SETDB2: variants seen among roughly 807,000 people sequenced by gnomAD.
SETDB2 encodes SET domain bifurcated histone lysine methyltransferase 2.
In SETDB2, 56 loss-of-function variants were observed where a neutral mutation model predicts 82.5. That is an observed-to-expected ratio of 0.68 (90% CI 0.55 to 0.85). The LOEUF is 0.85. SETDB2 is among the 40% of genes least tolerant of loss of function. The probability of loss-of-function intolerance (pLI) is 0.00; values close to 1 mark genes in which losing one functional copy is unlikely to be tolerated. For synonymous variants in SETDB2, 272 were observed against 284.9 expected (o/e 0.95, Z 0.46); for missense variants, 677 against 816.4 (o/e 0.83, Z 2.08).
chr13:49,474,758 A>G (rs1958321670), intron 5 of SETDB2, among the ~76,000 whole-genome samples: 1 of 152,246 alleles, frequency 6.6e-6, no homozygotes, highest in Non-Finnish European at 1.5e-5. Context: ...CGGAGAAAGG[A>G]TGAGGAAGCT....
intron 5 of SETDB2, among the ~76,000 whole-genome samples, chr13:49,469,713 G>GT (rs575492963): frequency 1.1e-4 from 16 of 151,594 alleles, no homozygotes; most frequent in Admixed American, 5.9e-4. Flanking sequence ...TATATTTGAA[G>GT]TTTTTTTTTC....
chr13:49,488,581 T>C lies in SETDB2; in HGVS notation c.1868T>C (p.Val623Ala), dbSNP rs1233045448. The C allele has an allele frequency of 6.2e-7, 1 of 1,607,990 alleles. No homozygotes were observed. The highest frequency in any genetic ancestry group is 8.5e-7 in the Non-Finnish European group (1 of 1,177,716). Reference sequence around the variant, plus strand: ...CTAACAAAGTTCAATAAAGGGAATGTGTTTTTATTGGATGCCACAAAAGAA... The same window carrying C: ...CTAACAAAGTTCAATAAAGGGAATGCGTTTTTATTGGATGCCACAAAAGAA... Reference protein sequence around the residue: ...DSLTKFNKGNVFLLDATKEGN... With the variant: ...DSLTKFNKGNAFLLDATKEGN... The change falls in exon 12 of 14, where the codon GTG (valine) becomes GCG (alanine). Residue 623 changes from valine (V) to alanine (A), a missense_variant. By Grantham distance (64) the Val-to-Ala change is moderately conservative. Around this residue, in one of 3 missense-constraint regions of SETDB2, gnomAD observed 420 missense variants for 554.6 expected, o/e 0.76. Transcript: ENST00000611815.
At chr13:49,453,817 T>C (rs1594130882) in intron 2 of SETDB2, among the ~76,000 whole-genome samples, 1 of 152,182 alleles carries the variant, frequency 6.6e-6, no homozygotes. Flanking sequence ...GGTGTATTTG[T>C]TGTTACTGGA....
chr13:49,457,771 T>C (rs1036029094), intron 2 of SETDB2, among the ~76,000 whole-genome samples: 2 of 152,180 alleles, frequency 1.3e-5, no homozygotes, highest in Non-Finnish European at 2.9e-5. Flanking sequence ...CATTGAGTCT[T>C]GATTGTTGTC....
intron 12 of SETDB2, chr13:49,489,224 C>T (rs3764087): frequency 0.11 from 17,967 of 158,804 alleles, 1,147 homozygotes; most frequent in Admixed American, 0.17. Context: ...ATGCCTCGGC[C>T]TCCTGAGTAG....
At chr13:49,480,022 A>G (rs1286280289) in intron 6 of SETDB2, among the ~76,000 whole-genome samples, 197 bp from the exon 7 acceptor site, 2 of 152,228 alleles carry the variant, frequency 1.3e-5, no homozygotes, top group Non-Finnish European at 2.9e-5. Context: ...AGTGCAGTTT[A>G]TAATTATTTA....
chr13:49,451,344 G>A (rs1957781728), intron 1 of SETDB2, among the ~76,000 whole-genome samples: 1 of 150,572 alleles, frequency 6.6e-6, no homozygotes, highest in Admixed American at 6.6e-5. Context: ...GATAGGATTG[G>A]GTGGGCCTTC....
chr13:49,454,143 C>G (rs911283627), intron 2 of SETDB2, among the ~76,000 whole-genome samples: 1 of 152,080 alleles, frequency 6.6e-6, no homozygotes, highest in Non-Finnish European at 1.5e-5. Flanking sequence ...TAACCCTTGA[C>G]TGGGCACCGT....
Position 49,450,932 on chromosome 13 carries a change from TAG to T in SETDB2, c.-341-618_-341-617del, listed in dbSNP as rs542385841. 5.4e-4 allele frequency among the ~76,000 whole-genome samples: 81 copies of T among 149,716 alleles called. No homozygotes were observed. The East Asian group carries it at 7.0e-3, about 13-fold the overall frequency. ...AGGAAAACAATCTAAATATCGAATA[TAG>T]AGGTTTATATTATTAATTAATATTT... On this transcript the variant is annotated intron_variant, in intron 1 of 13. Coordinates refer to ENST00000611815, the MANE Select transcript of SETDB2 (RefSeq NM_001160308.3).
chr13:49,450,435 T>C (rs1047718531), intron 1 of SETDB2, among the ~76,000 whole-genome samples: 3 of 152,234 alleles, frequency 2.0e-5, no homozygotes, highest in African/African-American at 4.8e-5. Context: ...ACTGGCTTTT[T>C]TTCAAAATTG....
At chr13:49,467,259 G>T (rs1263834605) in intron 4 of SETDB2, among the ~76,000 whole-genome samples, 1 of 151,988 alleles carries the variant, frequency 6.6e-6, no homozygotes, top group East Asian at 1.9e-4. Flanking sequence ...GCCCAGCATG[G>T]TTTTGCATGC....
rs145706403 is a variant in SETDB2, at chr13:49,465,785, C to T, written c.209-2079C>T. ...CTCCTAACCTCAGGTGATCCACCCG[C>T]CTTGGCCTCCCAAAGTGCTAGGATT... On this transcript the variant is annotated intron_variant, in intron 4 of 13. Transcript: ENST00000611815. 7.2e-4 allele frequency among the ~76,000 whole-genome samples: 109 copies of T among 152,306 alleles called. 2 individuals are homozygous for T. The East Asian group carries it at 0.02, about 28-fold the overall frequency.
At chr13:49,483,117 A>G (rs1411036790) in intron 9 of SETDB2, among the ~76,000 whole-genome samples, 155 bp downstream of exon 9, 1 of 152,216 alleles carries the variant, frequency 6.6e-6, no homozygotes, top group African/African-American at 2.4e-5. Flanking sequence ...CAGGACATGT[A>G]AAAATCTAGC....
intron 6 of SETDB2, among the ~76,000 whole-genome samples, chr13:49,477,928 A>G (rs1165690005): frequency 6.6e-6 from 1 of 152,234 alleles, no homozygotes; most frequent in Non-Finnish European, 1.5e-5. Context: ...AACATGTTCT[A>G]ATATATTAAG....
rs374200645 is a variant in SETDB2, at chr13:49,470,117, T to C, written c.305+2157T>C. 3.9e-5 allele frequency among the ~76,000 whole-genome samples: 6 copies of C among 152,346 alleles called. No individual in the cohort carries two copies. The East Asian group carries it at 9.6e-4, about 24-fold the overall frequency. On this transcript the variant is annotated intron_variant, in intron 5 of 13. Coordinates refer to ENST00000611815, the MANE Select transcript of SETDB2 (RefSeq NM_001160308.3). ...TCTTTTGTATGTATACTTTTAAAAA[T>C]CCGAGCTTCCAAGAAAAATTGAGTT...
At chr13:49,475,240 C>T (rs577531533) in intron 5 of SETDB2, among the ~76,000 whole-genome samples, 8 of 152,196 alleles carry the variant, frequency 5.3e-5, no homozygotes, top group East Asian at 1.9e-4. Context: ...GAGAACAGCA[C>T]GGGAAAGACC....
chr13:49,486,553 G>T, intron 11 of SETDB2, among the ~76,000 whole-genome samples: 1 of 152,180 alleles, frequency 6.6e-6, no homozygotes, highest in East Asian at 1.9e-4. Flanking sequence ...TGGTGCACAG[G>T]TGTTGTCCGT....
chr13:49,490,012 C>G (rs1958679814), intron 12 of SETDB2, among the ~76,000 whole-genome samples: 1 of 145,940 alleles, frequency 6.9e-6, no homozygotes, highest in African/African-American at 2.5e-5. Flanking sequence ...TGATGTGACT[C>G]ATGCCTGTAA....
intron 10 of SETDB2, 86 bp downstream of exon 10, chr13:49,483,649 C>T (rs1288707297): frequency 2.8e-5 from 10 of 361,440 alleles, no homozygotes; most frequent in Non-Finnish European, 3.6e-5. Context: ...TTTTTTTTGA[C>T]GCAGAGTCTC....
Sources: gnomAD v4.1 joint callset for allele counts (sites outside exome capture counted in the v4.1 genomes callset) on GRCh38, gnomAD v4.1.1 for gene constraint, gnomAD v4.1.1 regional missense constraint, MANE v1.5 for transcripts, NCBI Gene and HGNC (gene_info 2026-07-23, HGNC 2026-07-21) for gene names.